WDR72: variants seen among roughly 807,000 people sequenced by gnomAD.
WDR72 encodes the protein WD repeat domain 72, also known as WD repeat-containing protein 72.
In WDR72, 120 loss-of-function variants were observed where a neutral mutation model predicts 124.2. That is an observed-to-expected ratio of 0.97 (90% CI 0.83 to 1.12). The LOEUF (loss-of-function observed/expected upper bound fraction) is 1.12, where lower values mean the gene tolerates loss of function less well. WDR72 is among the 50% of genes most tolerant of loss of function. WDR72 has a pLI of 0.00. For missense variants in WDR72, 1,387 were observed against 1,278.8 expected (o/e 1.08, Z -1.29); for synonymous variants, 452 against 441.7 (o/e 1.02, Z -0.29).
chr15:53,660,164 T>C (rs2015561399), intron 14 of WDR72, among the ~76,000 whole-genome samples: 1 of 152,038 alleles, frequency 6.6e-6, no homozygotes, highest in South Asian at 2.1e-4. Context: ...TCATTCTATA[T>C]GGATGATTTA....
At chr15:53,528,207 C>T (rs1188193444) in intron 18 of WDR72, among the ~76,000 whole-genome samples, 3 of 152,026 alleles carry the variant, frequency 2.0e-5, no homozygotes, top group African/African-American at 7.2e-5. Context: ...ATCAGGAAAA[C>T]TTATCTGGCT....
At chr15:53,664,383 CACGT>C (rs900247937) in intron 14 of WDR72, among the ~76,000 whole-genome samples, 1 of 152,166 alleles carries the variant, frequency 6.6e-6, no homozygotes, top group African/African-American at 2.4e-5. Flanking sequence ...ATCCTAGACT[CACGT>C]GTGAAATCTA....
At chr15:53,722,541 A>G (rs959504604) in intron 3 of WDR72, among the ~76,000 whole-genome samples, 2 of 152,218 alleles carry the variant, frequency 1.3e-5, no homozygotes, top group Admixed American at 6.5e-5. Flanking sequence ...TAAGAGTGCT[A>G]CAAGTTCTGA....
At chr15:53,517,901 G>A in intron 19 of WDR72, 147 bp from the exon 20 acceptor site, 1 of 757,658 alleles carries the variant, frequency 1.3e-6, no homozygotes, top group Non-Finnish European at 2.2e-6. Context: ...AGAAAGAAAG[G>A]AAGAAAGGTA....
At chr15:53,744,016 G>T (rs1022927828) in intron 1 of WDR72, among the ~76,000 whole-genome samples, 3 of 151,654 alleles carry the variant, frequency 2.0e-5, no homozygotes, top group African/African-American at 7.3e-5. Context: ...CTTCTCTTCA[G>T]ATCAAAGGAA....
chr15:53,661,189 A>AT (rs1212495018), intron 14 of WDR72, among the ~76,000 whole-genome samples: 11 of 152,100 alleles, frequency 7.2e-5, no homozygotes, highest in Non-Finnish European at 1.0e-4. Context: ...TTCTAAGCCT[A>AT]TTTTTTCTGT....
Position 53,733,073 on chromosome 15 carries a change from G to A in WDR72, c.77C>T (p.Thr26Ile), listed in dbSNP as rs2140613111. ...AGTCACAATCGTTCGCTGGTCATCA[G>A]TGATCATGATGGCAGTGATGCTGTG... ...PPHSITAIMI[T>I]DDQRTIVTGS... Residue 26 changes from threonine to isoleucine, a missense_variant, in exon 2 of 20, where the codon ACT becomes ATT. By Grantham distance (89) the Thr-to-Ile change is moderately conservative (BLOSUM62 -1). Coordinates refer to ENST00000360509, the MANE Select transcript of WDR72 (RefSeq NM_182758.4). 1 of 1,614,056 alleles carries A rather than the reference G, an allele frequency of 6.2e-7. No individual in the cohort carries two copies. The highest frequency in any genetic ancestry group is 1.7e-4 in the Middle Eastern group (1 of 6,060).
chr15:53,627,337 A>G (rs2014251339), intron 14 of WDR72, among the ~76,000 whole-genome samples: 1 of 152,254 alleles, frequency 6.6e-6, no homozygotes, highest in Non-Finnish European at 1.5e-5. Context: ...TCACTAATGA[A>G]CTAGTCACAT....
intron 17 of WDR72, among the ~76,000 whole-genome samples, chr15:53,599,095 G>A (rs1336903012): frequency 6.6e-6 from 1 of 151,868 alleles, no homozygotes; most frequent in African/African-American, 2.4e-5. Context: ...CTGCACTCCG[G>A]CCTGGATGAC....
intron 1 of WDR72, among the ~76,000 whole-genome samples, chr15:53,741,830 C>T (rs2018518540): frequency 6.6e-6 from 1 of 151,932 alleles, no homozygotes; most frequent in African/African-American, 2.4e-5. Flanking sequence ...CAAGTTCAAG[C>T]GATTCTCCTG....
chr15:53,619,962 T>C (rs987669783), intron 14 of WDR72, among the ~76,000 whole-genome samples: 4 of 151,024 alleles, frequency 2.6e-5, no homozygotes, highest in East Asian at 1.9e-4. Flanking sequence ...CCATTGAAAA[T>C]TGAATATTCA....
chr15:53,543,465 T>C (rs1322850688), intron 18 of WDR72, among the ~76,000 whole-genome samples: 1 of 151,854 alleles, frequency 6.6e-6, no homozygotes, highest in Non-Finnish European at 1.5e-5. Context: ...AGACACAACA[T>C]ACCAGAATCT....
intron 18 of WDR72, among the ~76,000 whole-genome samples, chr15:53,570,519 C>G (rs983582870): frequency 2.0e-5 from 3 of 151,984 alleles, no homozygotes; most frequent in Non-Finnish European, 4.4e-5. Flanking sequence ...AGATGCAAAT[C>G]AAAGCCACAG....
At chr15:53,742,153 C>T (rs2018527551) in intron 1 of WDR72, among the ~76,000 whole-genome samples, 1 of 152,202 alleles carries the variant, frequency 6.6e-6, no homozygotes, top group African/African-American at 2.4e-5. Flanking sequence ...TCTTCAGACT[C>T]TTTATCTTTC....
intron 11 of WDR72, among the ~76,000 whole-genome samples, chr15:53,703,486 T>C (rs1467238077): frequency 6.6e-6 from 1 of 151,628 alleles, no homozygotes; most frequent in East Asian, 1.9e-4. Flanking sequence ...CTAGTTGCCT[T>C]TTCCCTCTTA....
rs150111678 is a variant in WDR72, at chr15:53,725,316, C to T, written c.154-2408G>A. On this transcript the variant is annotated intron_variant, in intron 2 of 19. Transcript: ENST00000360509. ...AACATTGGCAACATCAAATGCTGGC[C>T]GGGATGTGGAGCAACAGGAATTCTC... 9.2e-5 allele frequency among the ~76,000 whole-genome samples: 14 copies of T among 152,142 alleles called. No homozygotes were observed. The East Asian group carries it at 1.7e-3, about 19-fold the overall frequency.
At chr15:53,602,254 T>C (rs913415037) in intron 17 of WDR72, among the ~76,000 whole-genome samples, 1 of 151,606 alleles carries the variant, frequency 6.6e-6, no homozygotes, top group African/African-American at 2.4e-5. Flanking sequence ...TAAATGACAT[T>C]AAGGCAGAAA....
chr15:53,689,983 G>A (rs931276161), intron 13 of WDR72, among the ~76,000 whole-genome samples: 6 of 145,860 alleles, frequency 4.1e-5, no homozygotes, highest in South Asian at 4.4e-4. Context: ...ACCAAACACC[G>A]CATATTCTCA....
At chr15:53,576,992 C>T (rs372296113) in intron 18 of WDR72, among the ~76,000 whole-genome samples, 3 of 152,100 alleles carry the variant, frequency 2.0e-5, no homozygotes, top group African/African-American at 7.2e-5. Context: ...CAGTTTGAAC[C>T]TTTGCTTTAG....
Sources: gnomAD v4.1 joint callset for allele counts (sites outside exome capture counted in the v4.1 genomes callset) on GRCh38, gnomAD v4.1.1 for gene constraint, MANE v1.5 for transcripts, NCBI Gene and HGNC (gene_info 2026-07-23, HGNC 2026-07-21) for gene names.